GAREM2: variants seen among roughly 807,000 people sequenced by gnomAD.
The protein encoded by GAREM2 is GRB2-associated and regulator of MAPK protein 2.
A neutral mutation model predicts 55.6 loss-of-function variants in GAREM2; 30 were observed. The observed-to-expected ratio is 0.54, with a 90% CI of 0.40 to 0.73. The LOEUF (loss-of-function observed/expected upper bound fraction) is 0.73, where lower values mean the gene tolerates loss of function less well. Among genes scored for constraint, GAREM2 ranks in the 30% least tolerant of loss-of-function variants. The pLI is 0.00. For missense variants in GAREM2, 1,075 were observed against 1,257.7 expected (o/e 0.85, Z 2.20); for synonymous variants, 550 against 569.1 (o/e 0.97, Z 0.48).
chr2:26,202,966 C>T, the GAREM2 span, among the ~76,000 whole-genome samples: 2 of 152,162 alleles, frequency 1.3e-5, no homozygotes, highest in Non-Finnish European at 2.9e-5. Context: ...GTTTCTAAGA[C>T]GAAAAGGGGA....
chr2:26,186,742 G>T (rs895324818), intron 5 of GAREM2, among the ~76,000 whole-genome samples: 1 of 152,198 alleles, frequency 6.6e-6, no homozygotes, highest in Non-Finnish European at 1.5e-5. Flanking sequence ...TTGGGAGGCC[G>T]AGTTGGGTGA....
At chr2:26,181,672 C>G (rs1669055078) in intron 2 of GAREM2, 1 of 152,174 alleles carries the variant, frequency 6.6e-6, no homozygotes, top group African/African-American at 2.4e-5. Context: ...GAAGCAACTA[C>G]CACAGGGGCT....
In GAREM2 at chr2:26,181,076, C is replaced by T. The variant is rs993457282; in HGVS notation, c.254-1891C>T. 7.1e-6 allele frequency: 7 copies of T among 985,368 alleles called. No homozygotes were observed. In the African/African-American group the frequency reaches 1.2e-4, roughly 17 times the overall value. 61.0% of individuals were successfully genotyped at this position (985,368 alleles called of 1,614,324 possible). On this transcript the variant is annotated intron_variant, in intron 2 of 5. Coordinates refer to ENST00000401533, the MANE Select transcript of GAREM2 (RefSeq NM_001168241.2). ...ATTCCCTAGCTCTTCTCCAGAACCC[C>T]TTACTGGTTTGTTTACCTGACTGGT...
chr2:26,186,347 C>T lies in GAREM2; in HGVS notation c.1587C>T (p.Gly529=), dbSNP rs1356138110. The part of the protein sequence containing the change: ...PSSSLSYYSS[G]LQDGAGSRSG... Reference sequence around the variant, plus strand: ...CCAGCCTCTCCTACTACTCCTCTGGCCTCCAGGATGGGTGAGTCCCTGCCT... The same window carrying T: ...CCAGCCTCTCCTACTACTCCTCTGGTCTCCAGGATGGGTGAGTCCCTGCCT... Residue 529 remains glycine, a synonymous_variant, in exon 5 of 6, where the codon GGC becomes GGT. Coordinates refer to ENST00000401533, the MANE Select transcript of GAREM2 (RefSeq NM_001168241.2). 6.4e-7 allele frequency: 1 copy of T among 1,551,740 alleles called. No homozygotes were observed. The highest frequency in any genetic ancestry group is 8.7e-7 in the Non-Finnish European group (1 of 1,147,012).
At position 26,177,744 on chromosome 2, in the gene GAREM2, G is replaced by A. The variant is rs149941985; in HGVS notation, c.253+1260G>A. The stretch of plus-strand genomic sequence containing the variant: ...GAGGTTCAAGGGATTCTCCTGCCTC[G>A]GCCTACCAAGTAGCTGGGATTACAG... On this transcript the variant is annotated intron_variant, in intron 2 of 5. Coordinates refer to ENST00000401533, the MANE Select transcript of GAREM2 (RefSeq NM_001168241.2). 2.4e-3 allele frequency among the ~76,000 whole-genome samples: 369 copies of A among 152,018 alleles called. 3 individuals are homozygous for A. The highest frequency in any genetic ancestry group is 8.4e-3 in the African/African-American group (347 of 41,478).
intron 2 of GAREM2, chr2:26,182,315 C>A: frequency 6.9e-7 from 1 of 1,458,144 alleles, no homozygotes; most frequent in Non-Finnish European, 9.1e-7. Context: ...TTGCTGGGTT[C>A]AGGTCAGAGC....
Position 26,186,255 on chromosome 2 carries a change from C to T in GAREM2, c.1495C>T (p.Arg499Trp), listed in dbSNP as rs889244412. ...TCCCCGGGGTGGCAATGGCAGCGGC[C>T]GGCTCTCCAGCAGCCCCCCGGTTCC... ...VPPRGGNGSGRLSSSPPVPPR... is the reference protein window; with the variant it reads ...VPPRGGNGSGWLSSSPPVPPR... Residue 499 changes from arginine (R) to tryptophan (W), a missense_variant, in exon 5 of 6, where the codon CGG becomes TGG. Physicochemically the swap from Arg to Trp is moderately radical, Grantham distance 101. This residue lies in a region of GAREM2 where 515 missense variants were observed against 501.5 expected (regional missense o/e 1.03). Coordinates refer to ENST00000401533, the MANE Select transcript of GAREM2 (RefSeq NM_001168241.2). 3.2e-5 allele frequency: 50 copies of T among 1,549,398 alleles called. No homozygotes were observed. The highest frequency in any genetic ancestry group is 2.2e-4 in the Admixed American group (11 of 50,812).
downstream of GAREM2, among the ~76,000 whole-genome samples, chr2:26,192,101 G>C (rs762389411): frequency 1.3e-5 from 2 of 152,168 alleles, no homozygotes; most frequent in Non-Finnish European, 2.9e-5. Flanking sequence ...CACCATGCCA[G>C]CATCAGGAGT....
rs1669375777 is a variant in GAREM2, at chr2:26,188,572, A to C, written c.*315A>C. On this transcript the variant is annotated 3_prime_UTR_variant, in exon 6 of 6. Transcript: ENST00000401533. The stretch of plus-strand genomic sequence containing the variant: ...AAAAGCTGGCCTTCAGGGTGACCTA[A>C]CACCACCTCATGCCCTGCTATAGAC... 1 of 280,902 alleles carries C rather than the reference A, an allele frequency of 3.6e-6. No individual in the cohort carries two copies. 17.4% of individuals were successfully genotyped at this position (280,902 alleles called of 1,614,324 possible). A position where few individuals can be genotyped will look rare whatever the true frequency, so the allele number is the denominator to read the frequency against.
downstream of GAREM2, chr2:26,192,374 T>C: frequency 1.2e-6 from 2 of 1,610,556 alleles, no homozygotes; most frequent in Non-Finnish European, 1.7e-6. Flanking sequence ...TTCAAATCCT[T>C]CCTCTTCACA....
chr2:26,201,411 C>A, the GAREM2 span: 1 of 861,000 alleles, frequency 1.2e-6, no homozygotes, highest in Non-Finnish European at 1.9e-6. Flanking sequence ...GTGTTTTTCA[C>A]CAACTCTGTG....
At chr2:26,183,543 G>A (rs1268876466) in intron 3 of GAREM2, among the ~76,000 whole-genome samples, 1 of 152,194 alleles carries the variant, frequency 6.6e-6, no homozygotes, top group Non-Finnish European at 1.5e-5. Context: ...GGGCAACATG[G>A]AGAGACCCTG....
chr2:26,184,127 G>A, intron 3 of GAREM2, 106 bp from the exon 4 acceptor site: 1 of 1,476,524 alleles, frequency 6.8e-7, no homozygotes, highest in Admixed American at 2.1e-5. Context: ...CGAGCCCCGG[G>A]AGGGCGGAAG....
At position 26,187,445 on chromosome 2, in the gene GAREM2, G is replaced by C. The variant is rs1238509900; in HGVS notation, c.1813G>C (p.Val605Leu). ...CTCCCTTCTGGGGGCTGACACCCCTGTTAAGACCTACCACAGCTGCCCTCC... is the reference window on the plus strand; with the variant it reads ...CTCCCTTCTGGGGGCTGACACCCCTCTTAAGACCTACCACAGCTGCCCTCC... ...AASLLGADTP[V>L]KTYHSCPPLF... is the part of the protein sequence containing the mutation. The change falls in exon 6 of 6, where the codon GTT becomes CTT. Residue 605 changes from valine to leucine, a missense_variant. Val to Leu is a conservative substitution (Grantham distance 32, BLOSUM62 1). Around this residue, in one of 6 missense-constraint regions of GAREM2, gnomAD observed 515 missense variants for 501.5 expected, o/e 1.03. Coordinates refer to ENST00000401533, the MANE Select transcript of GAREM2 (RefSeq NM_001168241.2). The C allele has an allele frequency of 1.0e-5, 16 of 1,548,592 alleles. No individual in the cohort carries two copies. The East Asian group carries it at 3.7e-4, about 36-fold the overall frequency.
rs2147743261 is a variant in GAREM2 at position 26,188,019 on chromosome 2, A to G, written c.2387A>G (p.Asp796Gly). Residue 796 changes from aspartate (D) to glycine (G), a missense_variant, in exon 6 of 6, where the codon GAT (aspartate) becomes GGT (glycine). Physicochemically the swap from Asp to Gly is moderately conservative, Grantham distance 94. Coordinates refer to ENST00000401533, the MANE Select transcript of GAREM2 (RefSeq NM_001168241.2). ...RDGATGFGVR[D>G]ASSWQPPADL... Reference sequence around the variant, plus strand: ...GGAGCCACAGGCTTTGGAGTCCGAGATGCCTCCTCCTGGCAGCCCCCTGCT... The same window carrying G: ...GGAGCCACAGGCTTTGGAGTCCGAGGTGCCTCCTCCTGGCAGCCCCCTGCT... 1.3e-6 allele frequency: 2 copies of G among 1,490,888 alleles called. No homozygotes were observed. The highest frequency in any genetic ancestry group is 1.8e-6 in the Non-Finnish European group (2 of 1,111,702). 92.4% of individuals were successfully genotyped at this position (1,490,888 alleles called of 1,614,324 possible).
chr2:26,186,403 A>C, intron 5 of GAREM2, 45 bp downstream of exon 5: 3 of 1,525,582 alleles, frequency 2.0e-6, no homozygotes, highest in South Asian at 1.2e-5. Context: ...AGGTAGATCA[A>C]GGCAGGGAAG....
At chr2:26,186,095 C>T (rs1669243864) in intron 4 of GAREM2, 94 bp from the exon 5 acceptor site, 2 of 1,265,908 alleles carry the variant, frequency 1.6e-6, no homozygotes, top group South Asian at 3.1e-5. Flanking sequence ...AATGTCAGGC[C>T]CAGACAGCCC....
rs1172563695 is a variant in GAREM2, at chr2:26,179,797, T to C, written c.254-3170T>C. Among the ~76,000 whole-genome samples, 1 of 152,036 alleles carries C rather than the reference T, an allele frequency of 6.6e-6. No individual in the cohort carries two copies. Among genetic ancestry groups the C allele is most frequent in the Non-Finnish European group, 1.5e-5 (1 of 67,992 alleles). On this transcript the variant is annotated intron_variant, in intron 2 of 5. Transcript: ENST00000401533. The surrounding 1 kb of genome is among the most constrained non-coding windows in gnomAD (Gnocchi z 4.7). ...TGCCGCGGAGGGGGATGGTGCTGGA[T>C]GCCATGGTTACATCGATCTTTCCTG... is the stretch of plus-strand genomic sequence containing the variant.
intron 4 of GAREM2, 42 bp from the exon 5 acceptor site, chr2:26,186,147 G>C: frequency 4.1e-6 from 6 of 1,458,128 alleles, no homozygotes; most frequent in African/African-American, 1.4e-5. Flanking sequence ...AGGAGTGCCA[G>C]CTGTTTGGAG....
Sources: allele counts gnomAD v4.1 joint callset (sites outside exome capture counted in the v4.1 genomes callset), GRCh38; gene constraint gnomAD v4.1.1; regional missense constraint gnomAD v4.1.1; non-coding constraint Gnocchi (gnomAD v3.1); transcripts MANE v1.5; gene names NCBI Gene and HGNC (gene_info 2026-07-23, HGNC 2026-07-21).